SCUBE1: variants seen among roughly 807,000 people sequenced by gnomAD.
SCUBE1 encodes the protein signal peptide, CUB domain and EGF like domain containing 1.
SCUBE1 carries 59 observed loss-of-function variants against 124.4 expected under a neutral mutation model. The ratio of observed to expected loss-of-function variants is 0.47; its 90% CI spans 0.38 to 0.59. The LOEUF (loss-of-function observed/expected upper bound fraction) is 0.59. Among genes scored for constraint, SCUBE1 ranks in the 20% least tolerant of loss-of-function variants. SCUBE1 has a pLI of 0.00. For synonymous variants in SCUBE1, 545 were observed against 550.9 expected (o/e 0.99, Z 0.15); for missense variants, 1,150 against 1,371.2 (o/e 0.84, Z 2.55).
chr22:43,319,659 A>G (rs1171780194), intron 3 of SCUBE1, among the ~76,000 whole-genome samples: 1 of 152,016 alleles, frequency 6.6e-6, no homozygotes, highest in Non-Finnish European at 1.5e-5. Context: ...ACAAGGAGAA[A>G]GAAGGTAGCC....
intron 3 of SCUBE1, among the ~76,000 whole-genome samples, chr22:43,315,958 G>A (rs1377817537): frequency 6.6e-6 from 1 of 152,210 alleles, no homozygotes; most frequent in Non-Finnish European, 1.5e-5. Context: ...ACAGGTAAGA[G>A]TACAGTGGCT....
At chr22:43,229,013 G>A in intron 9 of SCUBE1, 59 bp downstream of exon 9, 1 of 1,242,532 alleles carries the variant, frequency 8.0e-7, no homozygotes, top group Non-Finnish European at 1.2e-6. Context: ...AGTGTAGGTG[G>A]CCGTGCGGCC....
chr22:43,333,519 AAGC>A (rs1926967346), intron 2 of SCUBE1, among the ~76,000 whole-genome samples: 1 of 152,218 alleles, frequency 6.6e-6, no homozygotes, highest in South Asian at 2.1e-4. Context: ...GGGATTTCTC[AAGC>A]AGCAGAAGTT....
intron 2 of SCUBE1, among the ~76,000 whole-genome samples, chr22:43,335,763 A>G (rs1454860944): frequency 1.3e-5 from 2 of 151,764 alleles, no homozygotes; most frequent in East Asian, 1.9e-4. Flanking sequence ...GATGATGATG[A>G]TGGTGATGAT....
intron 2 of SCUBE1, among the ~76,000 whole-genome samples, chr22:43,323,283 C>T (rs1232047217): frequency 6.6e-6 from 1 of 152,142 alleles, no homozygotes; most frequent in Middle Eastern, 3.2e-3. Flanking sequence ...ACCAGCCAGC[C>T]AGCCATGCAT....
At chr22:43,284,761 ATCG>A (rs3047381) in intron 4 of SCUBE1, among the ~76,000 whole-genome samples, 45 of 151,472 alleles carry the variant, frequency 3.0e-4, no homozygotes, top group Middle Eastern at 3.5e-3. Flanking sequence ...CATCATCGTC[ATCG>A]TCGTCGTCGT....
chr22:43,251,087 C>T (rs565335243), intron 6 of SCUBE1, among the ~76,000 whole-genome samples: 5 of 152,170 alleles, frequency 3.3e-5, no homozygotes, highest in African/African-American at 1.2e-4. Flanking sequence ...CTGGAAAGTC[C>T]CTTGCAAACT....
At chr22:43,291,608 C>T (rs551594369) in intron 3 of SCUBE1, among the ~76,000 whole-genome samples, 24 of 151,660 alleles carry the variant, frequency 1.6e-4, no homozygotes, top group South Asian at 1.0e-3. Flanking sequence ...GCTCCCATGG[C>T]GCTGCGCTAC....
At chr22:43,228,616 T>G (rs1922421920) in intron 9 of SCUBE1, among the ~76,000 whole-genome samples, 1 of 152,206 alleles carries the variant, frequency 6.6e-6, no homozygotes, top group African/African-American at 2.4e-5. Context: ...TCGGTCCTTC[T>G]GTCCACTGCT....
At chr22:43,208,986 G>A (rs908187385) in intron 19 of SCUBE1, among the ~76,000 whole-genome samples, 2 of 152,128 alleles carry the variant, frequency 1.3e-5, no homozygotes, top group African/African-American at 4.8e-5. Flanking sequence ...TTGTGGTGGG[G>A]GACAGAAGGA....
chr22:43,217,516 C>T (rs1921885097), intron 15 of SCUBE1, among the ~76,000 whole-genome samples: 1 of 152,102 alleles, frequency 6.6e-6, no homozygotes, highest in African/African-American at 2.4e-5. Context: ...GCTCCGCCCC[C>T]GCTACTCAGC....
chr22:43,303,610 C>T (rs1601875027), intron 3 of SCUBE1, among the ~76,000 whole-genome samples: 2 of 152,372 alleles, frequency 1.3e-5, no homozygotes, highest in South Asian at 2.1e-4. Context: ...GGCTGAGGCA[C>T]TGGCACGCTC....
At position 43,255,101 on chromosome 22, in the gene SCUBE1, C is replaced by T. The variant is rs1231350651; in HGVS notation, c.727+3118G>A. On this transcript the variant is annotated intron_variant, in intron 6 of 21. Coordinates refer to ENST00000360835, the MANE Select transcript of SCUBE1 (RefSeq NM_173050.5). This position sits in a 1 kb window ranked among gnomAD's most constrained non-coding sequence, Gnocchi z 4.7. ...GTGCTGCTTTGCTGAGCCTGGGAATCCTAACTGTGAATGTGGGTGTTCACG... is the reference window on the plus strand; with the variant it reads ...GTGCTGCTTTGCTGAGCCTGGGAATTCTAACTGTGAATGTGGGTGTTCACG... Among the ~76,000 whole-genome samples the T allele has an allele frequency of 1.3e-5, 2 of 152,204 alleles. No individual in the cohort carries two copies. Among genetic ancestry groups the T allele is most frequent in the Non-Finnish European group, 2.9e-5 (2 of 68,038 alleles).
chr22:43,263,238 C>T (rs534540541), intron 4 of SCUBE1, among the ~76,000 whole-genome samples: 1 of 152,220 alleles, frequency 6.6e-6, no homozygotes, highest in Non-Finnish European at 1.5e-5. Flanking sequence ...GGGTACCCCC[C>T]ACCCGCCCAG....
intron 7 of SCUBE1, among the ~76,000 whole-genome samples, chr22:43,233,820 G>A (rs759823163): frequency 2.0e-5 from 3 of 152,126 alleles, no homozygotes; most frequent in Admixed American, 6.6e-5. Flanking sequence ...GACAAAACCA[G>A]GCTATTAGAG....
intron 2 of SCUBE1, among the ~76,000 whole-genome samples, chr22:43,321,665 A>C (rs1369790957): frequency 6.6e-6 from 1 of 152,264 alleles, no homozygotes; most frequent in African/African-American, 2.4e-5. Flanking sequence ...CCAAAGGATC[A>C]AGAGATAGAA....
intron 3 of SCUBE1, among the ~76,000 whole-genome samples, chr22:43,291,990 A>AC (rs909103989): frequency 6.6e-6 from 1 of 151,412 alleles, no homozygotes; most frequent in African/African-American, 2.4e-5. Context: ...ACGTCGCCAG[A>AC]CCCCCCACTC....
intron 13 of SCUBE1, 87 bp from the exon 14 acceptor site, chr22:43,220,674 C>T (rs1276502850): frequency 4.0e-6 from 6 of 1,505,720 alleles, no homozygotes; most frequent in Non-Finnish European, 5.4e-6. Context: ...GTGCCATTGG[C>T]AAGGACTTCC....
In SCUBE1 at chr22:43,258,231, G is replaced by C; in HGVS notation, c.715C>G (p.Arg239Gly). ...HQKYALHSDGRTCIETCAVNN... is the reference protein window; with the variant it reads ...HQKYALHSDGGTCIETCAVNN... ...GGTGCCTACTTACCGATGCACGTGC[G>C]ACCGTCTGAGTGGAGGGCGTACTTC... Residue 239 changes from arginine (R) to glycine (G), a missense_variant, in exon 6 of 22, where the codon CGC becomes GGC. Physicochemically the swap from Arg to Gly is moderately radical, Grantham distance 125. Around this residue, in one of 3 missense-constraint regions of SCUBE1, gnomAD observed 337 missense variants for 482.1 expected, o/e 0.70. Coordinates refer to ENST00000360835, the MANE Select transcript of SCUBE1 (RefSeq NM_173050.5). This position sits in a 1 kb window ranked among gnomAD's most constrained non-coding sequence, Gnocchi z 5.0. 6.2e-7 allele frequency: 1 copy of C among 1,613,034 alleles called. No homozygotes were observed. Among genetic ancestry groups the C allele is most frequent in the Non-Finnish European group, 8.5e-7 (1 of 1,179,194 alleles).
Sources: allele counts gnomAD v4.1 joint callset (sites outside exome capture counted in the v4.1 genomes callset), GRCh38; gene constraint gnomAD v4.1.1; regional missense constraint gnomAD v4.1.1; non-coding constraint Gnocchi (gnomAD v3.1); transcripts MANE v1.5; gene names NCBI Gene and HGNC (gene_info 2026-07-23, HGNC 2026-07-21).